Variants in SPECC1 observed in about 807,000 individuals in gnomAD.
SPECC1 encodes cytospin-B.
SPECC1 carries 62 observed loss-of-function variants against 104.1 expected under a neutral mutation model. The ratio of observed to expected loss-of-function variants is 0.60; its 90% CI spans 0.49 to 0.74. The LOEUF (loss-of-function observed/expected upper bound fraction) is 0.74. SPECC1 is among the 30% of genes least tolerant of loss of function. The pLI is 0.00. For synonymous variants in SPECC1, 513 were observed against 501.6 expected (o/e 1.02, Z -0.30); for missense variants, 1,306 against 1,310.5 (o/e 1.00, Z 0.05).
At chr17:20,057,366 G>C (rs896700530) in intron 1 of SPECC1, among the ~76,000 whole-genome samples, 4 of 152,082 alleles carry the variant, frequency 2.6e-5, no homozygotes, top group African/African-American at 7.2e-5. Context: ...GCGTGAACCC[G>C]GGAGGCAGAG....
chr17:20,011,914 A>G (rs2043957313), intron 1 of SPECC1, among the ~76,000 whole-genome samples: 1 of 151,742 alleles, frequency 6.6e-6, no homozygotes, highest in South Asian at 2.1e-4. Context: ...TTCTTGTATC[A>G]CAGATACTTT....
At chr17:20,268,375 T>C (rs1377964478) in intron 12 of SPECC1, among the ~76,000 whole-genome samples, 1 of 152,258 alleles carries the variant, frequency 6.6e-6, no homozygotes, top group Non-Finnish European at 1.5e-5. Flanking sequence ...TGCAGGCAAC[T>C]TCTGTTGTTC....
chr17:20,107,249 A>G (rs1165694843), intron 2 of SPECC1, among the ~76,000 whole-genome samples: 1 of 151,556 alleles, frequency 6.6e-6, no homozygotes, highest in African/African-American at 2.4e-5. Flanking sequence ...TTTAATGTGA[A>G]TTACTTGTTT....
chr17:20,276,583 A>G (rs568017090), intron 12 of SPECC1, among the ~76,000 whole-genome samples: 21 of 151,982 alleles, frequency 1.4e-4, no homozygotes, highest in Middle Eastern at 3.4e-3. Flanking sequence ...CTCACTTTCT[A>G]TTTTTAGTAG....
chr17:20,237,270 G>A lies in SPECC1; in HGVS notation c.2351+4865G>A, dbSNP rs187701571. The A allele has an allele frequency of 1.1e-4, 124 of 1,110,704 alleles. No individual in the cohort carries two copies. The Admixed American group carries it at 1.9e-3, about 17-fold the overall frequency. The allele number at this position is 1,110,704 out of a possible 1,614,324, so 68.8% of individuals were successfully genotyped here. ...GCAGAGCTGGGTACAGCGCAGGCCC[G>A]AGTTCTTTTGTTTTTTGTTGTTGTT... On this transcript the variant is annotated intron_variant, in intron 7 of 14. Coordinates refer to ENST00000395527, the MANE Select transcript of SPECC1 (RefSeq NM_001243439.2).
chr17:20,032,679 T>C (rs1417223648), intron 1 of SPECC1, among the ~76,000 whole-genome samples: 1 of 152,062 alleles, frequency 6.6e-6, no homozygotes, highest in Non-Finnish European at 1.5e-5. Flanking sequence ...TATGATACTT[T>C]CCTTTCCTTT....
At chr17:20,220,391 C>T (rs1375920987) in intron 4 of SPECC1, among the ~76,000 whole-genome samples, 1 of 151,954 alleles carries the variant, frequency 6.6e-6, no homozygotes. Context: ...TCTTTCACTT[C>T]TTTGATTAAG....
At position 20,318,117 on chromosome 17, in the gene SPECC1, C is replaced by CT. The variant is rs2042063376; in HGVS notation, c.*4052_*4053insT. 4.3e-6 allele frequency: 1 copy of CT among 231,140 alleles called. No individual in the cohort carries two copies. Among genetic ancestry groups the CT allele is most frequent in the African/African-American group, 2.2e-5 (1 of 45,214 alleles). 14.3% of individuals were successfully genotyped at this position (231,140 alleles called of 1,614,324 possible). ...TTTCCATCTTCCCTCAGCCAGTAGT[C>CT]ATTTAAAATTCTTCAGTTGTTCTGA... is the stretch of plus-strand genomic sequence containing the variant. On this transcript the variant is annotated 3_prime_UTR_variant, in exon 15 of 15. Transcript: ENST00000395527.
chr17:20,116,551 T>C (rs1000473033), intron 3 of SPECC1, among the ~76,000 whole-genome samples: 1 of 152,174 alleles, frequency 6.6e-6, no homozygotes, highest in African/African-American at 2.4e-5. Flanking sequence ...AAAGAAGACA[T>C]AAATAAGTGA....
intron 1 of SPECC1, among the ~76,000 whole-genome samples, chr17:20,072,788 T>C (rs960105102): frequency 2.0e-5 from 3 of 152,148 alleles, no homozygotes; most frequent in African/African-American, 4.8e-5. Context: ...TCCAGTAAAA[T>C]AGCAATTAAA....
rs145771691 is a variant in SPECC1, at chr17:20,089,291, G to A, written c.-21-7340G>A. ...GACGAAGGAAAATGATGAACATGGT[G>A]CCAGTCTCTTAGTTGGTGTTGCTAA... On this transcript the variant is annotated intron_variant, in intron 1 of 14. Transcript: ENST00000395527. 5.4e-3 allele frequency among the ~76,000 whole-genome samples: 822 copies of A among 152,140 alleles called. 8 individuals are homozygous for A. Among genetic ancestry groups the A allele is most frequent in the Admixed American group, 8.6e-3 (132 of 15,282 alleles).
At chr17:20,248,893 C>A (rs1271237915) in intron 9 of SPECC1, among the ~76,000 whole-genome samples, 1 of 151,996 alleles carries the variant, frequency 6.6e-6, no homozygotes, top group African/African-American at 2.4e-5. Context: ...CTTAAAATGT[C>A]TTTTCTAGCT....
chr17:20,203,264 T>C (rs1224725898), intron 3 of SPECC1, among the ~76,000 whole-genome samples: 2 of 138,512 alleles, frequency 1.4e-5, no homozygotes, highest in African/African-American at 5.8e-5. Flanking sequence ...ACTCATCAAA[T>C]AGTCTTTCAG....
rs532015688 is a variant in SPECC1 at position 20,232,000 on chromosome 17, G to A, written c.2145+169G>A. The stretch of plus-strand genomic sequence containing the variant: ...AGTAAAATCAAAGGAGTCATTTGGT[G>A]TCAGGATGGAGAATTCTCATAACCT... On this transcript the variant is annotated intron_variant, in intron 6 of 14. Transcript: ENST00000395527. 3.9e-5 allele frequency among the ~76,000 whole-genome samples: 6 copies of A among 152,306 alleles called. No homozygotes were observed. In the East Asian group the frequency reaches 1.2e-3, roughly 29 times the overall value.
Position 20,275,036 on chromosome 17 carries a change from C to T in SPECC1, c.2940+14742C>T, listed in dbSNP as rs1407466484. Reference sequence around the variant, plus strand: ...AAGCTTGCATCTGTTTTGAGCTTACCGGGGGATGTTTTAAGTCCAGAAATA... The same window carrying T: ...AAGCTTGCATCTGTTTTGAGCTTACTGGGGGATGTTTTAAGTCCAGAAATA... On this transcript the variant is annotated intron_variant, in intron 12 of 14. Coordinates refer to ENST00000395527, the MANE Select transcript of SPECC1 (RefSeq NM_001243439.2). Among the ~76,000 whole-genome samples, 8 of 151,628 alleles carry T rather than the reference C, an allele frequency of 5.3e-5. No individual in the cohort carries two copies. The South Asian group carries it at 6.3e-4, about 12-fold the overall frequency.
chr17:20,165,826 T>C (rs1567894406), intron 3 of SPECC1, among the ~76,000 whole-genome samples: 1 of 152,250 alleles, frequency 6.6e-6, no homozygotes, highest in Non-Finnish European at 1.5e-5. Context: ...ATACGTTTGT[T>C]GGCTGCATAA....
At chr17:20,299,954 G>GTATC (rs1328480501) in intron 13 of SPECC1, among the ~76,000 whole-genome samples, 1 of 152,222 alleles carries the variant, frequency 6.6e-6, no homozygotes, top group African/African-American at 2.4e-5. Flanking sequence ...GGAATGTTGT[G>GTATC]TATCTGCACT....
intron 1 of SPECC1, among the ~76,000 whole-genome samples, chr17:20,052,505 C>G (rs965336902): frequency 2.0e-5 from 3 of 152,198 alleles, no homozygotes; most frequent in Admixed American, 6.5e-5. Flanking sequence ...AGGAATATGA[C>G]AGACTCTGGT....
intron 1 of SPECC1, among the ~76,000 whole-genome samples, chr17:20,015,513 G>A (rs756449312): frequency 2.7e-5 from 4 of 149,506 alleles, no homozygotes; most frequent in South Asian, 2.1e-4. Context: ...GATTTGTTCC[G>A]TCAACTCTTT....
Sources: gnomAD v4.1 joint callset for allele counts (sites outside exome capture counted in the v4.1 genomes callset) on GRCh38, gnomAD v4.1.1 for gene constraint, MANE v1.5 for transcripts, NCBI Gene and HGNC (gene_info 2026-07-23, HGNC 2026-07-21) for gene names.